The following SNAPC3 variants were observed in gnomAD, a reference collection of about 807,000 sequenced individuals.
The protein encoded by SNAPC3 is small nuclear RNA activating complex polypeptide 3.
SNAPC3 carries 56 observed loss-of-function variants against 47.7 expected under a neutral mutation model. That is an observed-to-expected ratio of 1.18 (90% confidence interval 0.95 to 1.47). SNAPC3 has a LOEUF of 1.47. SNAPC3 is among the 40% of genes most tolerant of loss of function. The pLI is 0.00. For missense variants in SNAPC3, 665 were observed against 511.3 expected (o/e 1.30, Z -2.90); for synonymous variants, 235 against 189.9 (o/e 1.24, Z -1.95).
intron 3 of SNAPC3, among the ~76,000 whole-genome samples, chr9:15,436,674 G>GA (rs1424329809): frequency 6.6e-6 from 1 of 151,986 alleles, no homozygotes; most frequent in African/African-American, 2.4e-5. Flanking sequence ...TCTATTTTTG[G>GA]AAAAAATGCC....
At chr9:15,445,214 C>T (rs1013777863) in intron 4 of SNAPC3, among the ~76,000 whole-genome samples, 3 of 152,140 alleles carry the variant, frequency 2.0e-5, no homozygotes, top group Admixed American at 6.5e-5. Flanking sequence ...AACAATCTCT[C>T]GATCCAGTAG....
At chr9:15,432,540 A>C (rs926620776) in intron 2 of SNAPC3, among the ~76,000 whole-genome samples, 4 of 152,324 alleles carry the variant, frequency 2.6e-5, no homozygotes, top group African/African-American at 9.6e-5. Context: ...AAAATAAAAA[A>C]TAATTTTAAA....
chr9:15,435,128 C>A (rs942260409), intron 3 of SNAPC3, among the ~76,000 whole-genome samples: 2 of 152,056 alleles, frequency 1.3e-5, no homozygotes, highest in Admixed American at 6.6e-5. Flanking sequence ...GAAGTAGTAT[C>A]TCATTGTGGT....
Position 15,447,098 on chromosome 9 carries a change from A to T in SNAPC3, c.586A>T (p.Lys196Ter). Residue 196 changes from lysine (K) to a stop codon, truncating the protein, a stop_gained, in exon 5 of 9, where the codon AAA becomes TAA. Transcript: ENST00000380821. LOFTEE classifies it high-confidence loss of function. ...TTATTTATTCTTTGACTTTTAGCAC[A>T]AAGAACACAAACCATACCAAACAAT... ...ILYPVIFHKH[K>*]EHKPYQTMLV... 6.2e-7 allele frequency: 1 copy of T among 1,614,014 alleles called. No individual in the cohort carries two copies. The highest frequency in any genetic ancestry group is 2.2e-5 in the East Asian group (1 of 44,882).
Position 15,438,349 on chromosome 9 carries a change from G to C in SNAPC3, c.477+4713G>C, listed in dbSNP as rs541588650. Among the ~76,000 whole-genome samples, 12 of 152,042 alleles carry C rather than the reference G, an allele frequency of 7.9e-5. 1 individual carries two copies. In the South Asian group the frequency reaches 2.5e-3, roughly 32 times the overall value. ...GTCTCCACTTTTACTTCTCATTTTA[G>C]TAATTTGAGCCTTCTTTTTTCTCAG... On this transcript the variant is annotated intron_variant, in intron 3 of 8. Transcript: ENST00000380821.
chr9:15,457,672 CATA>C (rs1233041793), intron 7 of SNAPC3, among the ~76,000 whole-genome samples: 9 of 152,134 alleles, frequency 5.9e-5, no homozygotes, highest in African/African-American at 2.2e-4. Context: ...AAATGCTCTA[CATA>C]ATAACTCCCT....
At chr9:15,451,535 TTACA>T in intron 6 of SNAPC3, 133 bp downstream of exon 6, 1 of 449,750 alleles carries the variant, frequency 2.2e-6, no homozygotes, top group Non-Finnish European at 4.0e-6. Flanking sequence ...GTCTTTTGCA[TTACA>T]TACATCCAAA....
intron 7 of SNAPC3, among the ~76,000 whole-genome samples, chr9:15,454,754 A>G (rs114085431): frequency 0.019 from 2,833 of 152,218 alleles, 85 homozygotes; most frequent in African/African-American, 0.064. Flanking sequence ...TGGCTAACAC[A>G]GTGAAAGCGT....
chr9:15,453,249 T>G (rs1381205026), intron 7 of SNAPC3, 44 bp downstream of exon 7: 4 of 1,468,614 alleles, frequency 2.7e-6, no homozygotes, highest in Non-Finnish European at 3.7e-6. Context: ...TTTTTTTTCT[T>G]TATTTCAGAG....
At position 15,432,653 on chromosome 9, in the gene SNAPC3, C is replaced by T. The variant is rs532812101; in HGVS notation, c.393-899C>T. 3.9e-5 allele frequency among the ~76,000 whole-genome samples: 6 copies of T among 152,194 alleles called. 1 individual carries two copies. Among genetic ancestry groups the T allele is most frequent in the Admixed American group, 3.9e-4 (6 of 15,298 alleles). On this transcript the variant is annotated intron_variant, in intron 2 of 8. Transcript: ENST00000380821. ...ATTAGATTTTAACCCCAGAATAAAA[C>T]AATTATCTGTAGGTTCATACTAATA...
At chr9:15,434,163 A>G (rs908765778) in intron 3 of SNAPC3, among the ~76,000 whole-genome samples, 5 of 152,224 alleles carry the variant, frequency 3.3e-5, no homozygotes, top group African/African-American at 1.2e-4. Context: ...CATAAAATTT[A>G]CCATTTTGAC....
At chr9:15,438,247 G>A (rs938105873) in intron 3 of SNAPC3, among the ~76,000 whole-genome samples, 1 of 152,004 alleles carries the variant, frequency 6.6e-6, no homozygotes, top group Non-Finnish European at 1.5e-5. Context: ...TTTCATCTAG[G>A]TTATCCAATT....
chr9:15,430,076 T>G (rs960239002), intron 2 of SNAPC3, among the ~76,000 whole-genome samples: 4 of 152,216 alleles, frequency 2.6e-5, no homozygotes, highest in Non-Finnish European at 5.9e-5. Context: ...TATGACATGT[T>G]CACAAAAATT....
chr9:15,463,747 C>A (rs1042299084), downstream of SNAPC3: 2 of 152,126 alleles, frequency 1.3e-5, no homozygotes, highest in South Asian at 4.1e-4. Context: ...AGCGAACATA[C>A]ATCAACTAGT....
downstream of SNAPC3, chr9:15,461,997 TC>T (rs35171510): frequency 2.0e-5 from 3 of 152,172 alleles, no homozygotes; most frequent in African/African-American, 7.2e-5. Context: ...ACCCTAAAAT[TC>T]CATGGGTAAA....
At chr9:15,426,874 A>G (rs1038401661) in intron 2 of SNAPC3, among the ~76,000 whole-genome samples, 1 of 152,178 alleles carries the variant, frequency 6.6e-6, no homozygotes, top group Non-Finnish European at 1.5e-5. Flanking sequence ...ATATACTGTG[A>G]AGCTAGTGTA....
intron 3 of SNAPC3, among the ~76,000 whole-genome samples, chr9:15,439,009 T>C: frequency 6.6e-6 from 1 of 152,236 alleles, no homozygotes; most frequent in East Asian, 1.9e-4. Context: ...TCATATATTT[T>C]ATTTTACTTA....
intron 5 of SNAPC3, among the ~76,000 whole-genome samples, chr9:15,450,082 C>T (rs986027495): frequency 2.6e-5 from 4 of 152,018 alleles, no homozygotes; most frequent in African/African-American, 9.7e-5. Flanking sequence ...CTGCTTACCT[C>T]TTTGAGGGTG....
intron 8 of SNAPC3, among the ~76,000 whole-genome samples, chr9:15,459,313 G>C (rs796463616): frequency 3.3e-5 from 5 of 152,244 alleles, no homozygotes; most frequent in African/African-American, 1.2e-4. Flanking sequence ...AGTTAAGAAG[G>C]TATATTAAGC....
Sources: allele counts gnomAD v4.1 joint callset (sites outside exome capture counted in the v4.1 genomes callset), GRCh38; gene constraint gnomAD v4.1.1; transcripts MANE v1.5; gene names NCBI Gene and HGNC (gene_info 2026-07-23, HGNC 2026-07-21).